The following PRKAR1B variants were observed in gnomAD, a reference collection of about 807,000 sequenced individuals.
PRKAR1B encodes the protein cAMP-dependent protein kinase type I-beta regulatory subunit.
Under a neutral mutation model 46.5 loss-of-function variants are expected in PRKAR1B, and 22 were observed. The ratio of observed to expected loss-of-function variants is 0.47; its 90% CI spans 0.34 to 0.68. The LOEUF (loss-of-function observed/expected upper bound fraction) is 0.68, where lower values mean the gene tolerates loss of function less well. PRKAR1B is among the 30% of genes least tolerant of loss of function. The probability of loss-of-function intolerance (pLI) is 0.01; values close to 1 mark genes in which losing one functional copy is unlikely to be tolerated. For missense variants in PRKAR1B, 445 were observed against 535.6 expected, an observed-to-expected ratio of 0.83 and a Z score of 1.67; for synonymous variants, 259 against 217.7, an observed-to-expected ratio of 1.19 and a Z score of -1.67.
At chr7:704,464 C>T (rs1353237461) in intron 2 of PRKAR1B, among the ~76,000 whole-genome samples, 4 of 152,124 alleles carry the variant, frequency 2.6e-5, no homozygotes, top group South Asian at 2.1e-4. Context: ...TTAAATGAAA[C>T]GGAACAATGC....
intron 4 of PRKAR1B, among the ~76,000 whole-genome samples, chr7:672,359 C>T (rs1185228407): frequency 4.0e-5 from 6 of 151,718 alleles, no homozygotes. Flanking sequence ...ACCATATTGG[C>T]CAGGCTGGTC....
At chr7:720,337 T>A (rs34743422) in intron 1 of PRKAR1B, among the ~76,000 whole-genome samples, 1 of 151,986 alleles carries the variant, frequency 6.6e-6, no homozygotes, top group Admixed American at 6.6e-5. Flanking sequence ...GGATAACAGG[T>A]GTGAGCCACC....
chr7:579,269 T>A lies in PRKAR1B; in HGVS notation c.878A>T (p.Tyr293Phe), dbSNP rs1333583191. 6.2e-6 allele frequency: 10 copies of A among 1,614,020 alleles called. No individual in the cohort carries two copies. The South Asian group carries it at 9.9e-5, about 16-fold the overall frequency. The part of the protein sequence containing the change: ...VVQGEPGDDF[Y>F]IITEGTASVL... ...AGCACGTCTCACCTCCGTGATGATG[T>A]AAAAGTCGTCCCCAGGCTCTCCCTG... Residue 293 changes from tyrosine to phenylalanine, a missense_variant, in exon 9 of 11, where the codon TAC becomes TTC. By Grantham distance (22) the Tyr-to-Phe change is conservative (BLOSUM62 3). Coordinates refer to ENST00000537384, the MANE Select transcript of PRKAR1B (RefSeq NM_001164760.2).
intron 4 of PRKAR1B, among the ~76,000 whole-genome samples, chr7:657,288 GAT>G (rs1785260262): frequency 6.6e-6 from 1 of 151,166 alleles, no homozygotes; most frequent in African/African-American, 2.4e-5. Flanking sequence ...TGGATGGATG[GAT>G]GGATGGATGG....
Position 575,541 on chromosome 7 carries a change from T to TTTTTGG in PRKAR1B, c.891+3709_891+3714dup, listed in dbSNP as rs757007291. Among the ~76,000 whole-genome samples, 90 of 152,252 alleles carry TTTTTGG rather than the reference T, an allele frequency of 5.9e-4. 1 individual carries two copies. The highest frequency in any genetic ancestry group is 2.1e-3 in the African/African-American group (86 of 41,570). On this transcript the variant is annotated intron_variant, in intron 9 of 10. Coordinates refer to ENST00000537384, the MANE Select transcript of PRKAR1B (RefSeq NM_001164760.2). ...AAGAATTTGAAGCCATCTTTTTTTG[T>TTTTTGG]TTTTGGTTTTGGTTTTGGTTTTGAG...
At chr7:561,236 A>T (rs13230580) in intron 9 of PRKAR1B, among the ~76,000 whole-genome samples, 80 of 151,650 alleles carry the variant, frequency 5.3e-4, no homozygotes, top group African/African-American at 1.8e-3. Context: ...ACCTGTGCGC[A>T]CACACCTAGG....
At chr7:665,274 C>A (rs1363956768) in intron 4 of PRKAR1B, among the ~76,000 whole-genome samples, 1 of 152,106 alleles carries the variant, frequency 6.6e-6, no homozygotes, top group African/African-American at 2.4e-5. Context: ...GTGGGCAAGT[C>A]AGCCCCAAGC....
At chr7:642,239 T>C (rs1194022904) in intron 4 of PRKAR1B, among the ~76,000 whole-genome samples, 1 of 152,130 alleles carries the variant, frequency 6.6e-6, no homozygotes, top group Non-Finnish European at 1.5e-5. Flanking sequence ...GGCAGATTCA[T>C]GGTGGACGGG....
At chr7:689,938 C>T (rs973190620) in intron 2 of PRKAR1B, among the ~76,000 whole-genome samples, 2 of 151,594 alleles carry the variant, frequency 1.3e-5, no homozygotes, top group Admixed American at 6.6e-5. Flanking sequence ...GCCTCGGCCT[C>T]CCAAAGTGCT....
intron 4 of PRKAR1B, among the ~76,000 whole-genome samples, chr7:674,377 C>T (rs1562606201): frequency 1.3e-5 from 2 of 152,110 alleles, no homozygotes; most frequent in Non-Finnish European, 2.9e-5. Context: ...ACTCTAGCCA[C>T]ATCTAACTAC....
chr7:674,021 A>C (rs1420543644), intron 4 of PRKAR1B, among the ~76,000 whole-genome samples: 4 of 152,136 alleles, frequency 2.6e-5, no homozygotes, highest in African/African-American at 4.8e-5. Flanking sequence ...CTTAGAAGGC[A>C]CAAGTGATGG....
chr7:569,311 G>T (rs552882027), intron 9 of PRKAR1B, among the ~76,000 whole-genome samples: 9 of 152,174 alleles, frequency 5.9e-5, no homozygotes, highest in African/African-American at 1.9e-4. Context: ...CCTGCCGGCC[G>T]CCCCAATTCA....
chr7:709,420 G>C (rs537753799), intron 2 of PRKAR1B, among the ~76,000 whole-genome samples: 4 of 144,970 alleles, frequency 2.8e-5, no homozygotes, highest in Non-Finnish European at 6.0e-5. Flanking sequence ...GCCCAGGCTA[G>C]AGTGCAGTGG....
At chr7:618,189 C>G (rs1782935502) in intron 4 of PRKAR1B, among the ~76,000 whole-genome samples, 1 of 152,220 alleles carries the variant, frequency 6.6e-6, no homozygotes, top group Non-Finnish European at 1.5e-5. Context: ...CCACAGCACT[C>G]AGACTGGGTC....
Position 644,127 on chromosome 7 carries a change from C to A in PRKAR1B, c.440+33102G>T. 6.6e-6 allele frequency among the ~76,000 whole-genome samples: 1 copy of A among 152,164 alleles called. No homozygotes were observed. The highest frequency in any genetic ancestry group is 2.4e-5 in the African/African-American group (1 of 41,440). On this transcript the variant is annotated intron_variant, in intron 4 of 10. Transcript: ENST00000537384. This position sits in a 1 kb window ranked among gnomAD's most constrained non-coding sequence, Gnocchi z 4.9. ...GCAGACAAACAGAGGTGCTAAGTCA[C>A]GGGCCACATGCACCCCCTCCTGTGC...
intron 6 of PRKAR1B, among the ~76,000 whole-genome samples, chr7:600,463 A>G (rs760798030): frequency 2.0e-5 from 3 of 152,264 alleles, no homozygotes; most frequent in Non-Finnish European, 2.9e-5. Context: ...CCGCACTCCC[A>G]GCCTGGGCGA....
At chr7:726,999 C>G in intron 1 of PRKAR1B, 2 of 1,255,192 alleles carry the variant, frequency 1.6e-6, no homozygotes, top group Non-Finnish European at 2.0e-6. Flanking sequence ...AGGGCTGCCG[C>G]GCGCTGGCAG....
intron 4 of PRKAR1B, chr7:607,897 C>G (rs1160012030): frequency 5.4e-6 from 1 of 183,536 alleles, no homozygotes; most frequent in Non-Finnish European, 1.1e-5. Flanking sequence ...AGCCTGGGAC[C>G]CTTGACACAG....
intron 1 of PRKAR1B, chr7:727,007 C>G: frequency 8.1e-7 from 1 of 1,239,662 alleles, no homozygotes; most frequent in African/African-American, 1.6e-5. Flanking sequence ...CGCGCGCTGG[C>G]AGTGCACCTG....
Sources: allele counts gnomAD v4.1 joint callset (sites outside exome capture counted in the v4.1 genomes callset), GRCh38; gene constraint gnomAD v4.1.1; non-coding constraint Gnocchi (gnomAD v3.1); transcripts MANE v1.5; gene names NCBI Gene and HGNC (gene_info 2026-07-23, HGNC 2026-07-21).